Variants in ZFYVE16 observed in about 807,000 individuals in gnomAD.
The protein encoded by ZFYVE16 is zinc finger FYVE domain-containing protein 16.
In ZFYVE16, 89 loss-of-function variants were observed where a neutral mutation model predicts 138.1. The ratio of observed to expected loss-of-function variants is 0.64; its 90% confidence interval spans 0.54 to 0.77. ZFYVE16 has a LOEUF of 0.77. Among genes scored for constraint, ZFYVE16 ranks in the 30% least tolerant of loss-of-function variants. The probability of loss-of-function intolerance (pLI) is 0.00; values close to 1 mark genes in which losing one functional copy is unlikely to be tolerated. For synonymous variants in ZFYVE16, 596 were observed against 618.3 expected (o/e 0.96, Z 0.53); for missense variants, 1,793 against 1,786.7 (o/e 1.00, Z -0.06).
At position 80,480,432 on chromosome 5, in the gene ZFYVE16, GAAA is replaced by G. The variant is rs33910155; in HGVS notation, c.*3062_*3064del. ...CAGTGCACCATGGGAGAAACAGCTGGAAAAAAAAACAGAAGACCTGTAGAGAAT... is the reference window on the plus strand; with the variant it reads ...CAGTGCACCATGGGAGAAACAGCTGGAAAAAACAGAAGACCTGTAGAGAAT... On this transcript the variant is annotated 3_prime_UTR_variant, in exon 19 of 19. Coordinates refer to ENST00000505560, the MANE Select transcript of ZFYVE16 (RefSeq NM_001284236.3). Among the ~76,000 whole-genome samples, 1 of 150,474 alleles carries G rather than the reference GAAA, an allele frequency of 6.6e-6. No individual in the cohort carries two copies. The highest frequency in any genetic ancestry group is 2.1e-4 in the South Asian group (1 of 4,790).
chr5:80,407,953 G>C (rs1303868438), upstream of ZFYVE16: 4 of 152,390 alleles, frequency 2.6e-5, no homozygotes, highest in Non-Finnish European at 5.9e-5. Flanking sequence ...GGAGACGGCC[G>C]CGGATGCCGA....
chr5:80,473,376 G>A (rs985802920), intron 16 of ZFYVE16, among the ~76,000 whole-genome samples: 2 of 152,072 alleles, frequency 1.3e-5, no homozygotes, highest in Non-Finnish European at 2.9e-5. Flanking sequence ...CCTCTCTTCA[G>A]TTACCCATTT....
chr5:80,434,221 T>C lies in ZFYVE16; in HGVS notation c.70+4T>C. ...GATGATTTTGAACAGAACCCAGGTT[T>C]GTTGATTTTCCATTTTTGCCGCTAA... On this transcript the variant is annotated splice_donor_region_variant and intron_variant, in intron 3 of 18. Transcript: ENST00000505560. 6.2e-7 allele frequency: 1 copy of C among 1,612,688 alleles called. No homozygotes were observed. Among genetic ancestry groups the C allele is most frequent in the Non-Finnish European group, 8.5e-7 (1 of 1,179,146 alleles).
In ZFYVE16 at chr5:80,480,968, T is replaced by C. The variant is rs370747263; in HGVS notation, c.*3591T>C. ...AAATGCTAGCTGACAGAGAGAAAAA[T>C]AGTCCAAGGAACAATTTGCTGTTTC... On this transcript the variant is annotated 3_prime_UTR_variant, in exon 19 of 19. Transcript: ENST00000505560. 1.2e-4 allele frequency among the ~76,000 whole-genome samples: 19 copies of C among 152,024 alleles called. 1 individual carries two copies. The highest frequency in any genetic ancestry group is 4.2e-4 in the South Asian group (2 of 4,810).
Position 80,459,488 on chromosome 5 carries a change from G to A in ZFYVE16, c.4018G>A (p.Val1340Ile). 1.9e-6 allele frequency: 3 copies of A among 1,607,580 alleles called. No individual in the cohort carries two copies. Among genetic ancestry groups the A allele is most frequent in the Non-Finnish European group, 2.5e-6 (3 of 1,176,976 alleles). Residue 1340 changes from valine to isoleucine, a missense_variant, in exon 15 of 19, where the codon GTT becomes ATT. Val to Ile is a conservative substitution (Grantham distance 29). This residue lies in a region of ZFYVE16 where 498 missense variants were observed against 582.4 expected (regional missense o/e 0.86). Coordinates refer to ENST00000505560, the MANE Select transcript of ZFYVE16 (RefSeq NM_001284236.3). ...AGGATTTCTTGCTAAGTCCAGCATA[G>A]TTGAAGGTATGAATTTCATTTTTAA... The part of the protein sequence containing the change: ...SSGFLAKSSI[V>I]EDGLMVQITP...
chr5:80,437,999 A>G lies in ZFYVE16; in HGVS notation c.1314A>G (p.Lys438=). The G allele has an allele frequency of 6.2e-7, 1 of 1,614,078 alleles. No individual in the cohort carries two copies. Among genetic ancestry groups the G allele is most frequent in the Non-Finnish European group, 8.5e-7 (1 of 1,179,978 alleles). Residue 438 remains lysine (K), a synonymous_variant, in exon 4 of 19, where the codon AAA becomes AAG. Coordinates refer to ENST00000505560, the MANE Select transcript of ZFYVE16 (RefSeq NM_001284236.3). ...AGAATGATCTTTTGAAACAGGAAAA[A>G]TGTAAAAGCATACTCCTTCAGTCAT... is the stretch of plus-strand genomic sequence containing the variant. ...FKENDLLKQE[K]CKSILLQSLI...
chr5:80,433,062 T>A (rs1373613352), intron 2 of ZFYVE16, among the ~76,000 whole-genome samples: 1 of 152,170 alleles, frequency 6.6e-6, no homozygotes, highest in Non-Finnish European at 1.5e-5. Context: ...AGAAATACCA[T>A]TTGACCCAGC....
intron 1 of ZFYVE16, among the ~76,000 whole-genome samples, chr5:80,417,003 A>T (rs1455189934): frequency 6.6e-6 from 1 of 152,200 alleles, no homozygotes; most frequent in African/African-American, 2.4e-5. Context: ...ATGAATTTAT[A>T]TTGATGTCTT....
chr5:80,447,123 G>T (rs2544603), intron 7 of ZFYVE16, among the ~76,000 whole-genome samples: 117,934 of 151,802 alleles, frequency 0.78, 48,946 homozygotes, highest in East Asian at 0.92. Flanking sequence ...AATTAGCCAG[G>T]TATTGTGGCG....
In ZFYVE16 at chr5:80,479,328, TA is replaced by T. The variant is rs1373696156; in HGVS notation, c.*1955del. The T allele has an allele frequency of 6.6e-6, 1 of 152,204 alleles. No individual in the cohort carries two copies. The highest frequency in any genetic ancestry group is 1.9e-4 in the East Asian group (1 of 5,204). 9.4% of individuals were successfully genotyped at this position (152,204 alleles called of 1,614,324 possible). ...TTTCTCTGAATTTTGAAATATGAAG[TA>T]AAATCTAGCCCATTTGTTTTATGCA... On this transcript the variant is annotated 3_prime_UTR_variant, in exon 19 of 19. Coordinates refer to ENST00000505560, the MANE Select transcript of ZFYVE16 (RefSeq NM_001284236.3).
At chr5:80,425,515 A>G (rs565474041) in intron 1 of ZFYVE16, among the ~76,000 whole-genome samples, 1 of 152,300 alleles carries the variant, frequency 6.6e-6, no homozygotes, top group South Asian at 2.1e-4. Context: ...TGTATTTATT[A>G]TTACAAATTT....
Position 80,438,304 on chromosome 5 carries a change from A to T in ZFYVE16, c.1619A>T (p.Gln540Leu). The T allele has an allele frequency of 6.2e-7, 1 of 1,614,066 alleles. No homozygotes were observed. The highest frequency in any genetic ancestry group is 8.5e-7 in the Non-Finnish European group (1 of 1,179,962). Residue 540 changes from glutamine to leucine, a missense_variant, in exon 4 of 19, where the codon CAG becomes CTG. Coordinates refer to ENST00000505560, the MANE Select transcript of ZFYVE16 (RefSeq NM_001284236.3). ...DAELDAFLTEQYLQTTNIKSF... is the reference protein window; with the variant it reads ...DAELDAFLTELYLQTTNIKSF... ...GAACTTGATGCCTTTCTGACAGAAC[A>T]GTATCTTCAGACCACTAACATAAAG...
chr5:80,472,609 TTATTTCC>T, intron 15 of ZFYVE16, 145 bp from the exon 16 acceptor site: 7 of 804,160 alleles, frequency 8.7e-6, no homozygotes, highest in Non-Finnish European at 1.3e-5. Flanking sequence ...AATACTTGTC[TTATTTCC>T]TAGTGGAAAA....
intron 2 of ZFYVE16, among the ~76,000 whole-genome samples, chr5:80,428,344 A>T (rs1234758808): frequency 6.6e-6 from 1 of 152,214 alleles, no homozygotes; most frequent in Non-Finnish European, 1.5e-5. Context: ...CCAGGTAAAC[A>T]GGGTCTGGAG....
chr5:80,461,395 A>G (rs893049104), intron 15 of ZFYVE16, among the ~76,000 whole-genome samples: 2 of 152,230 alleles, frequency 1.3e-5, no homozygotes, highest in Non-Finnish European at 2.9e-5. Flanking sequence ...GTATCCAAAT[A>G]AGATCCAGTC....
rs367799631 is a variant in ZFYVE16, at chr5:80,438,249, G to A, written c.1564G>A (p.Ala522Thr). Reference protein sequence around the residue: ...DLDYFNIDEGAKSGPLISDAE... With the variant: ...DLDYFNIDEGTKSGPLISDAE... ...AGATTACTTTAATATTGATGAAGGC[G>A]CAAAAAGTGGCCCACTAATTAGTGA... The change falls in exon 4 of 19, where the codon GCA (alanine) becomes ACA (threonine). Residue 522 changes from alanine to threonine, a missense_variant. By Grantham distance (58) the Ala-to-Thr change is moderately conservative. Transcript: ENST00000505560. 282 of 1,613,848 alleles carry A rather than the reference G, an allele frequency of 1.7e-4. No individual in the cohort carries two copies. Among genetic ancestry groups the A allele is most frequent in the Non-Finnish European group, 2.2e-4 (259 of 1,179,944 alleles).
Position 80,448,241 on chromosome 5 carries a change from T to A in ZFYVE16, c.2940T>A (p.Ser980Arg). 1.2e-6 allele frequency: 2 copies of A among 1,613,874 alleles called. No individual in the cohort carries two copies. The highest frequency in any genetic ancestry group is 1.7e-6 in the Non-Finnish European group (2 of 1,179,918). ...DVFAETEEPS[S>R]PTGVLVNSNL... The stretch of plus-strand genomic sequence containing the variant: ...TTGCAGAAACTGAAGAACCATCTAG[T>A]CCTACTGGTGTCTTAGTTAACAGCA... The change falls in exon 8 of 19, where the codon AGT becomes AGA. Residue 980 changes from serine (S) to arginine (R), a missense_variant. This residue lies in a region of ZFYVE16 where 1,295 missense variants were observed against 1,204.3 expected (regional missense o/e 1.08). Transcript: ENST00000505560.
intron 17 of ZFYVE16, among the ~76,000 whole-genome samples, 174 bp from the exon 18 acceptor site, chr5:80,474,489 C>T (rs1754693617): frequency 1.3e-5 from 2 of 152,136 alleles, no homozygotes; most frequent in South Asian, 4.1e-4. Context: ...TTTACCATAA[C>T]TTTTTGTTTT....
Position 80,438,993 on chromosome 5 carries a change from C to T in ZFYVE16, c.2308C>T (p.Arg770Ter), listed in dbSNP as rs750022005. 4 of 1,605,398 alleles carry T rather than the reference C, an allele frequency of 2.5e-6. No individual in the cohort carries two copies. Among genetic ancestry groups the T allele is most frequent in the South Asian group, 1.1e-5 (1 of 90,018 alleles). The change falls in exon 4 of 19, where the codon CGA (arginine) becomes TGA (stop). Residue 770 changes from arginine (R) to a stop codon, truncating the protein, a stop_gained. Coordinates refer to ENST00000505560, the MANE Select transcript of ZFYVE16 (RefSeq NM_001284236.3). LOFTEE classifies it high-confidence loss of function. The stretch of plus-strand genomic sequence containing the variant: ...TTTTACCAAACGGCGACACCATTGC[C>T]GAGCATGTGGGAAAGTAAGTTATAA... The part of the protein sequence containing the change: ...FTFTKRRHHC[R>*]ACGKVFCGVC...
Sources: gnomAD v4.1 joint callset for allele counts (sites outside exome capture counted in the v4.1 genomes callset) on GRCh38, gnomAD v4.1.1 for gene constraint, gnomAD v4.1.1 regional missense constraint, MANE v1.5 for transcripts, NCBI Gene and HGNC (gene_info 2026-07-23, HGNC 2026-07-21) for gene names.